SH2D3A: variants seen among roughly 807,000 people sequenced by gnomAD.
SH2D3A encodes SH2 domain-containing protein 3A.
Under a neutral mutation model 50.6 loss-of-function variants are expected in SH2D3A, and 46 were observed. That is an observed-to-expected ratio of 0.91 (90% CI 0.72 to 1.16). SH2D3A has a LOEUF of 1.16. Ranked by LOEUF, SH2D3A falls within the 50% of genes most tolerant of loss-of-function variation. The pLI, the probability that SH2D3A is intolerant of heterozygous loss-of-function variation, is 0.00. For synonymous variants in SH2D3A, 377 were observed against 348.4 expected, an observed-to-expected ratio of 1.08 and a Z score of -0.91; for missense variants, 783 against 786.2, an observed-to-expected ratio of 1.00 and a Z score of 0.05.
chr19:6,765,100 C>T (rs1240998659), intron 1 of SH2D3A, among the ~76,000 whole-genome samples: 2 of 151,688 alleles, frequency 1.3e-5, no homozygotes, highest in South Asian at 2.1e-4. Flanking sequence ...AGGCTGGTCT[C>T]GAACTCCTGA....
At chr19:6,763,903 ATCT>A in intron 1 of SH2D3A, 87 bp from the exon 2 acceptor site, 33 of 266,732 alleles carry the variant, frequency 1.2e-4, no homozygotes, top group Non-Finnish European at 1.8e-4. Flanking sequence ...GCTCCATCAA[ATCT>A]TTTTTTTTTT....
At chr19:6,753,127 G>A (rs575362082) in intron 9 of SH2D3A, 17 of 985,310 alleles carry the variant, frequency 1.7e-5, no homozygotes, top group Middle Eastern at 5.2e-4. Flanking sequence ...CGGAGGAGTC[G>A]TTTTGGAGGG....
At chr19:6,759,529 G>C in intron 4 of SH2D3A, 65 bp downstream of exon 4, 1 of 1,450,312 alleles carries the variant, frequency 6.9e-7, no homozygotes, top group East Asian at 2.3e-5. Flanking sequence ...ACCTGACCAA[G>C]ATCTCTTAGG....
intron 2 of SH2D3A, chr19:6,761,210 G>A (rs1406399903): frequency 8.9e-6 from 5 of 562,644 alleles, no homozygotes; most frequent in African/African-American, 7.5e-5. Flanking sequence ...GGGTTGTCAT[G>A]TGATGAGAAC....
intron 1 of SH2D3A, among the ~76,000 whole-genome samples, chr19:6,764,872 ATTTTTTTT>A (rs55670461): frequency 9.7e-6 from 1 of 103,128 alleles, no homozygotes; most frequent in African/African-American, 4.3e-5. Context: ...TACCTGGCTA[ATTTTTTTT>A]TTTTTTTTTT....
At chr19:6,763,214 C>T (rs565130088) in intron 2 of SH2D3A, among the ~76,000 whole-genome samples, 1 of 152,256 alleles carries the variant, frequency 6.6e-6, no homozygotes, top group South Asian at 2.1e-4. Flanking sequence ...CAGGCGCATA[C>T]CACCATGTCT....
At chr19:6,760,190 C>T (rs916764491) in intron 3 of SH2D3A, among the ~76,000 whole-genome samples, 6 of 152,052 alleles carry the variant, frequency 3.9e-5, no homozygotes, top group African/African-American at 1.4e-4. Context: ...GCCTGGCCAA[C>T]ATGGTGAAAC....
Position 6,754,901 on chromosome 19 carries a change from G to GT in SH2D3A, c.910dup (p.Thr304AsnfsTer144). 1 of 1,608,430 alleles carries GT rather than the reference G, an allele frequency of 6.2e-7. No homozygotes were observed. The highest frequency in any genetic ancestry group is 8.5e-7 in the Non-Finnish European group (1 of 1,176,572). ...GTGCTCCAGGAACAGGCCACGGAGG[G>GT]TATGCAGGACTTGGGGTTCCAGGGG... On this transcript the variant is annotated frameshift_variant, in exon 5 of 10. Coordinates refer to ENST00000245908, the MANE Select transcript of SH2D3A (RefSeq NM_005490.3). LOFTEE classifies it high-confidence loss of function.
At chr19:6,753,338 G>A (rs1465451016) in intron 9 of SH2D3A, 118 bp downstream of exon 9, 8 of 1,399,178 alleles carry the variant, frequency 5.7e-6, no homozygotes, top group Non-Finnish European at 7.4e-6. Flanking sequence ...CAGTTTGGGT[G>A]GGGCTCCGGG....
intron 6 of SH2D3A, 85 bp downstream of exon 6, chr19:6,754,531 A>T: frequency 6.3e-7 from 1 of 1,590,744 alleles, no homozygotes; most frequent in Non-Finnish European, 8.6e-7. Flanking sequence ...TTCCCTGGGG[A>T]ACCATGAGTG....
At position 6,754,737 on chromosome 19, in the gene SH2D3A, G is replaced by C. The variant is rs372195533; in HGVS notation, c.982-6C>G. ...ACTCCCAGGAGGCCTGTGGCCTGCA[G>C]AAGGGAATGGGGAAGTCAGGTGAAG... On this transcript the variant is annotated splice_region_variant and splice_polypyrimidine_tract_variant and intron_variant, in intron 5 of 9. Transcript: ENST00000245908. 53 of 1,613,794 alleles carry C rather than the reference G, an allele frequency of 3.3e-5. No homozygotes were observed. Among genetic ancestry groups the C allele is most frequent in the Non-Finnish European group, 4.2e-5 (49 of 1,179,790 alleles).
intron 1 of SH2D3A, among the ~76,000 whole-genome samples, chr19:6,764,675 T>C (rs1970208424): frequency 1.3e-5 from 2 of 151,646 alleles, no homozygotes; most frequent in Admixed American, 1.3e-4. Flanking sequence ...AAACCATGGA[T>C]GGGATATAAT....
rs1436088790 is a variant in SH2D3A, at chr19:6,752,739, G to A, written c.1585C>T (p.Pro529Ser). The change falls in exon 10 of 10, where the codon CCG (proline) becomes TCG (serine). Residue 529 changes from proline (P) to serine (S), a missense_variant. Physicochemically the swap from Pro to Ser is moderately conservative, Grantham distance 74. Transcript: ENST00000245908. ...GTGGTCAGGGCCTCCCTCAGCTCCG[G>A]GTTAGGCCGGAATCCTGGAAGCAAG... ...AQRLRGFRPN[P>S]ELREALTTGF... The A allele has an allele frequency of 1.2e-5, 19 of 1,543,490 alleles. No individual in the cohort carries two copies. The highest frequency in any genetic ancestry group is 2.4e-5 in the East Asian group (1 of 41,028).
intron 4 of SH2D3A, 135 bp from the exon 5 acceptor site, chr19:6,755,450 G>T: frequency 1.8e-6 from 1 of 562,654 alleles, no homozygotes; most frequent in Non-Finnish European, 3.0e-6. Context: ...AACCTATCCG[G>T]GTGCAGTTTT....
rs73920203 is a variant in SH2D3A at position 6,753,411 on chromosome 19, C to T, written c.1570+45G>A. 2.7e-3 allele frequency: 3,887 copies of T among 1,428,960 alleles called. 89 individuals carry two copies. In the African/African-American group the frequency reaches 0.05, roughly 18 times the overall value. The allele number at this position is 1,428,960 out of a possible 1,614,324, so 88.5% of individuals were successfully genotyped here. On this transcript the variant is annotated intron_variant, in intron 9 of 9. Transcript: ENST00000245908. ...GTTTGGGGGATCCGGTTAGAACCTG[C>T]AGGGTGCTCTGAAGTCTGCAGTCCA...
chr19:6,756,426 CTTTCT>C (rs1969681647), intron 4 of SH2D3A, among the ~76,000 whole-genome samples: 1 of 151,498 alleles, frequency 6.6e-6, no homozygotes, highest in Non-Finnish European at 1.5e-5. Flanking sequence ...GCTTATTAAA[CTTTCT>C]TTTCTTTTTT....
intron 4 of SH2D3A, 98 bp from the exon 5 acceptor site, chr19:6,755,413 C>T (rs2145583107): frequency 1.2e-6 from 1 of 800,532 alleles, no homozygotes; most frequent in African/African-American, 1.7e-5. Context: ...CCTGATCCAT[C>T]CACTCATTCC....
chr19:6,755,976 G>C (rs1969643624), intron 4 of SH2D3A, among the ~76,000 whole-genome samples: 2 of 150,894 alleles, frequency 1.3e-5, no homozygotes, highest in South Asian at 4.2e-4. Flanking sequence ...CTACTTGGGA[G>C]GCAGAGGTGG....
intron 2 of SH2D3A, among the ~76,000 whole-genome samples, chr19:6,762,680 G>GC (rs1970092832): frequency 7.0e-6 from 1 of 142,764 alleles, no homozygotes; most frequent in Non-Finnish European, 1.5e-5. Flanking sequence ...GATAATTTTC[G>GC]CTTTTTTTTT....
Sources: allele counts gnomAD v4.1 joint callset (sites outside exome capture counted in the v4.1 genomes callset), GRCh38; gene constraint gnomAD v4.1.1; transcripts MANE v1.5; gene names NCBI Gene and HGNC (gene_info 2026-07-23, HGNC 2026-07-21).